Variants in RSRC1 observed in about 807,000 individuals in gnomAD.
RSRC1 encodes the protein arginine and serine rich coiled-coil 1, also known as serine/Arginine-related protein 53.
In RSRC1, 39 loss-of-function variants were observed where a neutral mutation model predicts 49.1. The observed-to-expected ratio is 0.79, with a 90% CI of 0.61 to 1.04. The LOEUF (loss-of-function observed/expected upper bound fraction) is 1.04, where lower values mean the gene tolerates loss of function less well. RSRC1 is among the 50% of genes least tolerant of loss of function. RSRC1 has a pLI of 0.00. For synonymous variants in RSRC1, 143 were observed against 130.8 expected (o/e 1.09, Z -0.63); for missense variants, 388 against 402.4 (o/e 0.96, Z 0.31).
chr3:158,183,883 T>C (rs1177012911), intron 3 of RSRC1, among the ~76,000 whole-genome samples: 1 of 152,170 alleles, frequency 6.6e-6, no homozygotes, highest in African/African-American at 2.4e-5. Context: ...CATTTCAGAT[T>C]GGGTGTCAAA....
chr3:158,145,830 C>A (rs1559917910), intron 3 of RSRC1, among the ~76,000 whole-genome samples: 1 of 152,164 alleles, frequency 6.6e-6, no homozygotes, highest in East Asian at 1.9e-4. Flanking sequence ...TGTAGCTCTC[C>A]TTGAAGAGGT....
intron 6 of RSRC1, among the ~76,000 whole-genome samples, chr3:158,386,298 A>G (rs888211610): frequency 1.3e-5 from 2 of 152,112 alleles, no homozygotes; most frequent in Non-Finnish European, 2.9e-5. Flanking sequence ...AGAAATTTAA[A>G]TAGGAGAAGT....
chr3:158,487,974 A>AAAAAAAAAAAAAAAAAAAAAAGGG, intron 7 of RSRC1, among the ~76,000 whole-genome samples: 1 of 148,838 alleles, frequency 6.7e-6, no homozygotes, highest in Admixed American at 6.7e-5. Flanking sequence ...AAAAAAAAAA[A>AAAAAAAAAAAAAAAAAAAAAAGGG]CTGGCTGAAT....
intron 4 of RSRC1, among the ~76,000 whole-genome samples, chr3:158,290,342 G>A (rs918906385): frequency 2.0e-5 from 3 of 150,108 alleles, no homozygotes; most frequent in African/African-American, 7.6e-5. Context: ...GCGCGATTTC[G>A]GCTCACTGCA....
At chr3:158,397,339 G>A (rs143739009) in intron 6 of RSRC1, among the ~76,000 whole-genome samples, 153 of 152,260 alleles carry the variant, frequency 1.0e-3, no homozygotes, top group African/African-American at 3.4e-3. Context: ...GTATATATTA[G>A]TCTTTGTGAA....
chr3:158,461,900 C>A (rs890951673), intron 7 of RSRC1, among the ~76,000 whole-genome samples: 1 of 150,876 alleles, frequency 6.6e-6, no homozygotes, highest in Non-Finnish European at 1.5e-5. Context: ...ATAATCTGAA[C>A]TTCCCAGCAA....
chr3:158,532,797 T>G (rs1712479664), intron 7 of RSRC1, among the ~76,000 whole-genome samples: 1 of 151,830 alleles, frequency 6.6e-6, no homozygotes. Flanking sequence ...TCCTTCATGT[T>G]TACCATGTAA....
intron 6 of RSRC1, among the ~76,000 whole-genome samples, chr3:158,419,982 T>A (rs572661432): frequency 1.1e-3 from 164 of 151,770 alleles, no homozygotes; most frequent in Non-Finnish European, 1.9e-3. Flanking sequence ...TTCCTCTGCC[T>A]CCCTCCACTC....
chr3:158,430,517 G>A (rs1051372362), intron 6 of RSRC1, among the ~76,000 whole-genome samples: 5 of 151,854 alleles, frequency 3.3e-5, no homozygotes, highest in African/African-American at 1.2e-4. Context: ...GGGGAAACTG[G>A]TGTCCAGACT....
chr3:158,199,013 A>G (rs1720851811), intron 3 of RSRC1, among the ~76,000 whole-genome samples: 1 of 152,206 alleles, frequency 6.6e-6, no homozygotes, highest in Non-Finnish European at 1.5e-5. Flanking sequence ...TGTAGCTCCC[A>G]TAATTTCCAC....
intron 4 of RSRC1, among the ~76,000 whole-genome samples, chr3:158,247,328 A>G (rs1474650817): frequency 6.6e-6 from 1 of 152,148 alleles, no homozygotes; most frequent in South Asian, 2.1e-4. Context: ...TTAGCTCAGC[A>G]AAGTTTGTTA....
chr3:158,354,903 C>A lies in RSRC1; in HGVS notation c.578C>A (p.Ala193Asp). ...GCCAGACTACAGCTGGTTCTTGAAG[C>A]TGCTGGTAAGTGTTGATAATTAACT... is the stretch of plus-strand genomic sequence containing the variant. Reference protein sequence around the residue: ...AKARLQLVLEAAAKADEALKA... With the variant: ...AKARLQLVLEDAAKADEALKA... The change falls in exon 6 of 10, where the codon GCT (alanine) becomes GAT (aspartate). Residue 193 changes from alanine to aspartate, a missense_variant. Ala to Asp is a moderately radical substitution (Grantham distance 126, BLOSUM62 -2). Transcript: ENST00000611884. 2.6e-6 allele frequency: 4 copies of A among 1,546,478 alleles called. No individual in the cohort carries two copies. Among genetic ancestry groups the A allele is most frequent in the East Asian group, 2.4e-5 (1 of 41,608 alleles).
At chr3:158,473,233 A>G (rs925536011) in intron 7 of RSRC1, among the ~76,000 whole-genome samples, 1 of 152,076 alleles carries the variant, frequency 6.6e-6, no homozygotes, top group Admixed American at 6.6e-5. Flanking sequence ...TCGCGGCACT[A>G]CTCACAATAG....
intron 3 of RSRC1, among the ~76,000 whole-genome samples, chr3:158,174,935 C>T (rs956958723): frequency 1.3e-5 from 2 of 152,076 alleles, no homozygotes; most frequent in African/African-American, 2.4e-5. Context: ...AAATCCCTAC[C>T]ATTGGTATAT....
intron 7 of RSRC1, among the ~76,000 whole-genome samples, chr3:158,492,089 T>C (rs776706312): frequency 3.3e-5 from 5 of 152,120 alleles, no homozygotes; most frequent in Non-Finnish European, 5.9e-5. Context: ...AAGCAAGGCA[T>C]GTTTTACATG....
intron 6 of RSRC1, among the ~76,000 whole-genome samples, chr3:158,411,036 T>C (rs1162122395): frequency 6.6e-6 from 1 of 152,168 alleles, no homozygotes; most frequent in African/African-American, 2.4e-5. Flanking sequence ...TTTGCTTCTT[T>C]TGAATGGGAA....
intron 3 of RSRC1, among the ~76,000 whole-genome samples, chr3:158,149,216 T>G (rs1717359376): frequency 6.6e-6 from 1 of 152,266 alleles, no homozygotes; most frequent in African/African-American, 2.4e-5. Context: ...TTGAGCATAC[T>G]GAATGATCAT....
At chr3:158,287,989 C>T (rs1004571568) in intron 4 of RSRC1, among the ~76,000 whole-genome samples, 11 of 152,050 alleles carry the variant, frequency 7.2e-5, no homozygotes, top group East Asian at 1.9e-4. Context: ...ACTGTTTGGC[C>T]GGGGCATATG....
Position 158,303,844 on chromosome 3 carries a change from G to T in RSRC1, c.531+5769G>T, listed in dbSNP as rs1375140798. On this transcript the variant is annotated intron_variant, in intron 5 of 9. Transcript: ENST00000611884. ...ACAGACATTTGTTTTAAAATTTTTG[G>T]TTCAGATGTTAAGTTGTATTTTTCA... 2.6e-5 allele frequency among the ~76,000 whole-genome samples: 4 copies of T among 152,102 alleles called. No individual in the cohort carries two copies. The East Asian group carries it at 7.7e-4, about 29-fold the overall frequency.
Sources: allele counts gnomAD v4.1 joint callset (sites outside exome capture counted in the v4.1 genomes callset), GRCh38; gene constraint gnomAD v4.1.1; transcripts MANE v1.5; gene names NCBI Gene and HGNC (gene_info 2026-07-23, HGNC 2026-07-21).